The following DGKI variants were observed in gnomAD, a reference collection of about 807,000 sequenced individuals.
DGKI encodes the protein diacylglycerol kinase iota.
In DGKI, 55 loss-of-function variants were observed where a neutral mutation model predicts 147.5. The observed-to-expected ratio is 0.37, with a 90% CI of 0.30 to 0.47. The LOEUF (loss-of-function observed/expected upper bound fraction) is 0.47, where lower values mean the gene tolerates loss of function less well. Ranked by LOEUF, DGKI falls within the 20% of genes least tolerant of loss-of-function variation. DGKI has a pLI of 1.00. For synonymous variants in DGKI, 469 were observed against 477.1 expected, an observed-to-expected ratio of 0.98 and a Z score of 0.22; for missense variants, 1,007 against 1,323.8, an observed-to-expected ratio of 0.76 and a Z score of 3.71.
At chr7:137,757,121 C>T (rs563650660) in intron 1 of DGKI, among the ~76,000 whole-genome samples, 9 of 152,188 alleles carry the variant, frequency 5.9e-5, no homozygotes, top group African/African-American at 1.9e-4. Context: ...TTTCAAAGCA[C>T]CACTGGTGCC....
intron 1 of DGKI, among the ~76,000 whole-genome samples, chr7:137,712,896 T>A (rs1374203166): frequency 6.6e-6 from 1 of 152,178 alleles, no homozygotes; most frequent in African/African-American, 2.4e-5. Context: ...AATAATCAAA[T>A]TCAAGCTTCC....
rs528478847 is a variant in DGKI at position 137,688,740 on chromosome 7, G to A, written c.510+1154C>T. ...ATTGTTTTTAATTATGCAAACACTG[G>A]TGCAAATATACTCTATTGTGGGTTA... On this transcript the variant is annotated intron_variant, in intron 2 of 32. Coordinates refer to ENST00000614521, the MANE Select transcript of DGKI (RefSeq NM_001321708.2). Among the ~76,000 whole-genome samples, 3 of 152,252 alleles carry A rather than the reference G, an allele frequency of 2.0e-5. No individual in the cohort carries two copies. The South Asian group carries it at 6.2e-4, about 32-fold the overall frequency.
intron 28 of DGKI, among the ~76,000 whole-genome samples, chr7:137,434,207 A>C (rs1813193413): frequency 6.6e-6 from 1 of 152,066 alleles, no homozygotes; most frequent in Admixed American, 6.6e-5. Context: ...TTTATTTTAC[A>C]ATGTGTTAAT....
intron 1 of DGKI, among the ~76,000 whole-genome samples, chr7:137,692,883 A>G (rs1823661013): frequency 1.3e-5 from 2 of 152,242 alleles, no homozygotes; most frequent in Non-Finnish European, 2.9e-5. Flanking sequence ...AGTAAAAAAC[A>G]TGAAAGTGGC....
intron 28 of DGKI, among the ~76,000 whole-genome samples, chr7:137,430,513 C>G (rs916696534): frequency 6.6e-6 from 1 of 151,452 alleles, no homozygotes; most frequent in Admixed American, 6.6e-5. Context: ...ATGTAACTAA[C>G]CTGCACATTG....
At position 137,710,477 on chromosome 7, in the gene DGKI, T is replaced by C. The variant is rs1242467839; in HGVS notation, c.402-20475A>G. On this transcript the variant is annotated intron_variant, in intron 1 of 32. Transcript: ENST00000614521. ...AGTCAGAAACAGACCAAAAAATACA[T>C]AGAAACTTGATTTATGACAGAACTG... Among the ~76,000 whole-genome samples the C allele has an allele frequency of 4.6e-5, 7 of 151,916 alleles. 1 individual carries two copies. In the East Asian group the frequency reaches 7.7e-4, roughly 17 times the overall value.
chr7:137,767,860 C>T (rs1796068610), intron 1 of DGKI, among the ~76,000 whole-genome samples: 1 of 152,086 alleles, frequency 6.6e-6, no homozygotes, highest in South Asian at 2.1e-4. Flanking sequence ...ATGTCTAAAG[C>T]TCTTCGACAG....
intron 28 of DGKI, among the ~76,000 whole-genome samples, chr7:137,418,315 G>A (rs1476589941): frequency 6.6e-6 from 1 of 152,174 alleles, no homozygotes; most frequent in Non-Finnish European, 1.5e-5. Context: ...AAGGTACAGA[G>A]AACCTAACCA....
intron 6 of DGKI, among the ~76,000 whole-genome samples, chr7:137,637,495 A>G (rs1354059587): frequency 6.6e-6 from 1 of 152,250 alleles, no homozygotes; most frequent in African/African-American, 2.4e-5. Context: ...AAGAAGAATT[A>G]CACCTGTTTA....
intron 5 of DGKI, among the ~76,000 whole-genome samples, chr7:137,653,479 C>T (rs1361401666): frequency 6.6e-6 from 1 of 152,220 alleles, no homozygotes; most frequent in Non-Finnish European, 1.5e-5. Flanking sequence ...CTTCAGGGTC[C>T]AGCTCTTGCT....
intron 1 of DGKI, among the ~76,000 whole-genome samples, chr7:137,714,941 A>T (rs1794332119): frequency 6.6e-6 from 1 of 152,184 alleles, no homozygotes; most frequent in African/African-American, 2.4e-5. Flanking sequence ...CTTCCACCTG[A>T]AATGGCTTTG....
chr7:137,416,988 C>G lies in DGKI; in HGVS notation c.2762-4781G>C, dbSNP rs531074215. ...TCACTTCTCTCTCCTGATTAATGTC[C>G]TTCCCTATGAACACTGTTGTTTAAG... On this transcript the variant is annotated intron_variant, in intron 28 of 32. Coordinates refer to ENST00000614521, the MANE Select transcript of DGKI (RefSeq NM_001321708.2). Among the ~76,000 whole-genome samples, 181 of 152,306 alleles carry G rather than the reference C, an allele frequency of 1.2e-3. 1 individual carries two copies. Among genetic ancestry groups the G allele is most frequent in the African/African-American group, 4.1e-3 (172 of 41,568 alleles).
At chr7:137,815,343 A>T (rs1175761893) in intron 1 of DGKI, among the ~76,000 whole-genome samples, 2 of 152,196 alleles carry the variant, frequency 1.3e-5, no homozygotes, top group African/African-American at 2.4e-5. Context: ...CAGCTTCTGC[A>T]CAGGCTTTGG....
intron 17 of DGKI, among the ~76,000 whole-genome samples, chr7:137,573,232 T>C (rs1563092372): frequency 6.6e-6 from 1 of 152,212 alleles, no homozygotes; most frequent in South Asian, 2.1e-4. Context: ...AGCAGTAGTA[T>C]TCACCACCAT....
intron 1 of DGKI, among the ~76,000 whole-genome samples, chr7:137,720,336 C>A (rs569346849): frequency 4.9e-5 from 7 of 142,604 alleles, no homozygotes; most frequent in Non-Finnish European, 1.1e-4. Context: ...CGGCTCACTG[C>A]AAGCTCCACC....
At chr7:137,586,985 C>T in intron 13 of DGKI, 112 bp downstream of exon 13, 2 of 777,438 alleles carry the variant, frequency 2.6e-6, no homozygotes, top group Non-Finnish European at 3.9e-6. Context: ...TCAACTCTAA[C>T]TTATGCCTGG....
chr7:137,462,960 ATGCTGTAC>A (rs72109912), intron 27 of DGKI, among the ~76,000 whole-genome samples: 4,420 of 152,228 alleles, frequency 0.029, 86 homozygotes, highest in Middle Eastern at 0.11. Flanking sequence ...CTACAAACAA[ATGCTGTAC>A]TGCTTACCCA....
intron 1 of DGKI, among the ~76,000 whole-genome samples, chr7:137,788,968 A>C (rs1010059804): frequency 6.6e-6 from 1 of 152,204 alleles, no homozygotes; most frequent in Non-Finnish European, 1.5e-5. Flanking sequence ...ATACAAAGCA[A>C]ATTGCTCAAT....
intron 23 of DGKI, among the ~76,000 whole-genome samples, chr7:137,477,483 T>C (rs891103586): frequency 6.6e-6 from 1 of 152,176 alleles, no homozygotes; most frequent in Non-Finnish European, 1.5e-5. Flanking sequence ...ATGCCATCCA[T>C]AGAAACAGCA....
Sources: allele counts gnomAD v4.1 joint callset (sites outside exome capture counted in the v4.1 genomes callset), GRCh38; gene constraint gnomAD v4.1.1; transcripts MANE v1.5; gene names NCBI Gene and HGNC (gene_info 2026-07-23, HGNC 2026-07-21).